PDE7A: variants seen among roughly 807,000 people sequenced by gnomAD.
PDE7A encodes the protein phosphodiesterase 7A.
Under a neutral mutation model 64.3 loss-of-function variants are expected in PDE7A, and 39 were observed. That is an observed-to-expected ratio of 0.61 (90% confidence interval 0.47 to 0.79). The LOEUF (loss-of-function observed/expected upper bound fraction) is 0.79, where lower values mean the gene tolerates loss of function less well. Ranked by LOEUF, PDE7A falls within the 30% of genes least tolerant of loss-of-function variation. The pLI is 0.00. For missense variants in PDE7A, 470 were observed against 582.8 expected (o/e 0.81, Z 1.99); for synonymous variants, 203 against 206.8 (o/e 0.98, Z 0.16).
chr8:65,828,397 C>A (rs776144690), intron 1 of PDE7A, among the ~76,000 whole-genome samples: 17 of 152,124 alleles, frequency 1.1e-4, no homozygotes, highest in Non-Finnish European at 2.2e-4. Context: ...TTATGTGTAT[C>A]TTTCTATGAC....
At chr8:65,756,270 A>T (rs531066569) in intron 3 of PDE7A, among the ~76,000 whole-genome samples, 1 of 152,184 alleles carries the variant, frequency 6.6e-6, no homozygotes, top group Non-Finnish European at 1.5e-5. Flanking sequence ...ATTGGAATTT[A>T]CCGAGCTTCT....
Position 65,747,805 on chromosome 8 carries a change from T to C in PDE7A, c.284-2A>G, listed in dbSNP as rs1807752554. The C allele has an allele frequency of 1.3e-6, 2 of 1,596,478 alleles. No homozygotes were observed. Among genetic ancestry groups the C allele is most frequent in the Non-Finnish European group, 1.7e-6 (2 of 1,169,598 alleles). On this transcript the variant is annotated splice_acceptor_variant, in intron 3 of 12. Coordinates refer to ENST00000401827, the MANE Select transcript of PDE7A (RefSeq NM_001242318.3). LOFTEE classifies it high-confidence loss of function. ...CAGACACTTCAATTTCAGATTGAGC[T>C]GAAATAAAAAGAATAAAAGGTAAGT...
intron 3 of PDE7A, chr8:65,765,636 T>C (rs1808743552): frequency 6.6e-6 from 1 of 151,868 alleles, no homozygotes; most frequent in Non-Finnish European, 1.5e-5. Flanking sequence ...GAAAACATAT[T>C]CCTTGTATTA....
At chr8:65,789,061 T>G in intron 1 of PDE7A, 1 of 1,454,332 alleles carries the variant, frequency 6.9e-7, no homozygotes, top group Non-Finnish European at 9.1e-7. Flanking sequence ...ACTGACTGCC[T>G]TGGACCTCAA....
chr8:65,778,060 A>G (rs914667551), intron 3 of PDE7A, among the ~76,000 whole-genome samples: 1 of 152,180 alleles, frequency 6.6e-6, no homozygotes, highest in Non-Finnish European at 1.5e-5. Flanking sequence ...GTGCCAGATT[A>G]CAGATGGGAG....
chr8:65,791,223 AT>A (rs1809693334), intron 1 of PDE7A, among the ~76,000 whole-genome samples: 1 of 152,208 alleles, frequency 6.6e-6, no homozygotes. Flanking sequence ...TATCTAGATT[AT>A]TTCTACCATC....
chr8:65,790,914 G>A (rs190638019), intron 1 of PDE7A, among the ~76,000 whole-genome samples: 10 of 152,256 alleles, frequency 6.6e-5, no homozygotes, highest in Non-Finnish European at 1.0e-4. Flanking sequence ...AAACACTGGC[G>A]GTCATCTGTA....
At chr8:65,741,855 G>A (rs1325936536) in intron 5 of PDE7A, among the ~76,000 whole-genome samples, 1 of 152,188 alleles carries the variant, frequency 6.6e-6, no homozygotes, top group African/African-American at 2.4e-5. Flanking sequence ...TGTAGAATAA[G>A]TTTTAAGAAA....
rs1259081903 is a variant in PDE7A at position 65,723,602 on chromosome 8, A to G, written c.1182T>C (p.Tyr394=). The part of the protein sequence containing the change: ...FFHQGDIEKK[Y]HLGVSPLCDR... ...CGCAAAGTGGACTCACACCCAAATGATATTTTTTTTCTATATCTCCTATAA... is the reference window on the plus strand; with the variant it reads ...CGCAAAGTGGACTCACACCCAAATGGTATTTTTTTTCTATATCTCCTATAA... Residue 394 remains tyrosine (Y), a synonymous_variant, in exon 12 of 13, where the codon TAT becomes TAC. Transcript: ENST00000401827. The G allele has an allele frequency of 2.5e-6, 4 of 1,574,028 alleles. No individual in the cohort carries two copies. Among genetic ancestry groups the G allele is most frequent in the Middle Eastern group, 1.7e-4 (1 of 5,852 alleles).
At chr8:65,828,159 A>T (rs936884762) in intron 1 of PDE7A, among the ~76,000 whole-genome samples, 3 of 152,116 alleles carry the variant, frequency 2.0e-5, no homozygotes, top group African/African-American at 7.2e-5. Context: ...TTAAAAAAAA[A>T]AATCAGAAAA....
At position 65,762,714 on chromosome 8, in the gene PDE7A, CA is replaced by C. The variant is rs201371083; in HGVS notation, c.284-14912del. On this transcript the variant is annotated intron_variant, in intron 3 of 12. Coordinates refer to ENST00000401827, the MANE Select transcript of PDE7A (RefSeq NM_001242318.3). ...TCAAATATTTTTAAATATGTCATAC[CA>C]TTTTTTTTAACAAAACCAGATTTAT... Among the ~76,000 whole-genome samples, 544 of 152,036 alleles carry C rather than the reference CA, an allele frequency of 3.6e-3. 9 individuals carry two copies. Among genetic ancestry groups the C allele is most frequent in the Admixed American group, 0.029 (440 of 15,268 alleles).
intron 1 of PDE7A, among the ~76,000 whole-genome samples, chr8:65,823,244 T>C (rs1327248115): frequency 1.3e-5 from 2 of 152,122 alleles, no homozygotes; most frequent in African/African-American, 4.8e-5. Flanking sequence ...TTAAAGTCAC[T>C]TCCACAAAGT....
chr8:65,819,412 T>C (rs1311518838), intron 1 of PDE7A, among the ~76,000 whole-genome samples: 1 of 152,096 alleles, frequency 6.6e-6, no homozygotes, highest in Non-Finnish European at 1.5e-5. Flanking sequence ...AAAGAAAACT[T>C]GTTTAAGAAA....
At chr8:65,817,156 TTTTTAAAACTTTTAAC>T (rs1810426986) in intron 1 of PDE7A, among the ~76,000 whole-genome samples, 1 of 152,226 alleles carries the variant, frequency 6.6e-6, no homozygotes, top group South Asian at 2.1e-4. Context: ...TTCCATTTGA[TTTTTAAAACTTTTAAC>T]TTTGCAATAA....
chr8:65,779,735 A>C lies in PDE7A; in HGVS notation c.268T>G (p.Phe90Val). 2 of 1,574,606 alleles carry C rather than the reference A, an allele frequency of 1.3e-6. No individual in the cohort carries two copies. The highest frequency in any genetic ancestry group is 2.3e-5 in the South Asian group (2 of 87,570). ...CAACACTTACAGTGGAAAATACGAA[A>C]ATCAATATATGGGTGAGAACCTCTT... ...ERRGSHPYID[F>V]RIFHSQSEIE... Residue 90 changes from phenylalanine (F) to valine (V), a missense_variant, in exon 3 of 13, where the codon TTT becomes GTT. Transcript: ENST00000401827.
At chr8:65,814,681 C>T (rs1384224179) in intron 1 of PDE7A, among the ~76,000 whole-genome samples, 1 of 152,130 alleles carries the variant, frequency 6.6e-6, no homozygotes, top group East Asian at 1.9e-4. Flanking sequence ...GAAGAAGTTA[C>T]CTTTAAGTGT....
intron 3 of PDE7A, among the ~76,000 whole-genome samples, chr8:65,751,478 T>G (rs1301427369): frequency 6.6e-6 from 1 of 152,158 alleles, no homozygotes. Flanking sequence ...TCCTGAGGTT[T>G]TTTTTTTTCT....
intron 1 of PDE7A, among the ~76,000 whole-genome samples, chr8:65,828,692 T>C (rs553525746): frequency 6.6e-6 from 1 of 152,254 alleles, no homozygotes; most frequent in Non-Finnish European, 1.5e-5. Flanking sequence ...TTGACTCAAA[T>C]GATACTCCAA....
intron 12 of PDE7A, among the ~76,000 whole-genome samples, chr8:65,721,515 G>A (rs1255241886): frequency 6.6e-6 from 1 of 152,124 alleles, no homozygotes; most frequent in Non-Finnish European, 1.5e-5. Flanking sequence ...TAGGGTTGTT[G>A]TGTGGAGTCA....
Sources: allele counts gnomAD v4.1 joint callset (sites outside exome capture counted in the v4.1 genomes callset), GRCh38; gene constraint gnomAD v4.1.1; transcripts MANE v1.5; gene names NCBI Gene and HGNC (gene_info 2026-07-23, HGNC 2026-07-21).